SCAPER: variants seen among roughly 807,000 people sequenced by gnomAD.
The protein encoded by SCAPER is S phase cyclin A-associated protein in the endoplasmic reticulum.
A neutral mutation model predicts 182.2 loss-of-function variants in SCAPER; 98 were observed. That is an observed-to-expected ratio of 0.54 (90% CI 0.46 to 0.64). The LOEUF (loss-of-function observed/expected upper bound fraction) is 0.64, where lower values mean the gene tolerates loss of function less well. SCAPER is among the 30% of genes least tolerant of loss of function. The pLI, the probability that SCAPER is intolerant of heterozygous loss-of-function variation, is 0.00. For synonymous variants in SCAPER, 605 were observed against 564.6 expected, an observed-to-expected ratio of 1.07 and a Z score of -1.01; for missense variants, 1,432 against 1,690.0, an observed-to-expected ratio of 0.85 and a Z score of 2.68.
chr15:76,888,624 C>A (rs780907319), intron 1 of SCAPER, among the ~76,000 whole-genome samples: 9 of 151,226 alleles, frequency 6.0e-5, no homozygotes, highest in Admixed American at 2.0e-4. Context: ...CAAGATTAGA[C>A]AAAAAAAAGA....
At chr15:76,564,540 C>CA (rs2046884197) in intron 23 of SCAPER, among the ~76,000 whole-genome samples, 1 of 152,076 alleles carries the variant, frequency 6.6e-6, no homozygotes. Flanking sequence ...AAAAACACTC[C>CA]ATGCTCATGG....
intron 8 of SCAPER, among the ~76,000 whole-genome samples, chr15:76,788,329 T>C (rs772928062): frequency 2.6e-5 from 4 of 152,212 alleles, no homozygotes; most frequent in African/African-American, 4.8e-5. Context: ...TTTAAACAAG[T>C]AAACTACATG....
At chr15:76,577,262 A>G (rs1259743225) in intron 22 of SCAPER, among the ~76,000 whole-genome samples, 1 of 152,116 alleles carries the variant, frequency 6.6e-6, no homozygotes, top group Non-Finnish European at 1.5e-5. Context: ...CCTGGGCAAC[A>G]TGGTGAAAGC....
At chr15:76,639,457 C>G (rs1838049) in intron 21 of SCAPER, among the ~76,000 whole-genome samples, 2 of 152,198 alleles carry the variant, frequency 1.3e-5, no homozygotes, top group Non-Finnish European at 2.9e-5. Flanking sequence ...CACTGAAGAC[C>G]TGAACATTCA....
intron 24 of SCAPER, among the ~76,000 whole-genome samples, chr15:76,492,696 T>C (rs2052439727): frequency 1.3e-5 from 2 of 152,178 alleles, no homozygotes; most frequent in African/African-American, 4.8e-5. Context: ...GAAAATGTCC[T>C]CTCAGCAAGA....
chr15:76,768,944 C>A lies in SCAPER; in HGVS notation c.1249-1856G>T, dbSNP rs184287621. On this transcript the variant is annotated intron_variant, in intron 10 of 31. Coordinates refer to ENST00000563290, the MANE Select transcript of SCAPER (RefSeq NM_020843.4). ...AAATGTCTTTGGGCAAGTGAATGAACAAACATTGTGTTACATGGATAAATC... is the reference window on the plus strand; with the variant it reads ...AAATGTCTTTGGGCAAGTGAATGAAAAAACATTGTGTTACATGGATAAATC... Among the ~76,000 whole-genome samples, 395 of 151,838 alleles carry A rather than the reference C, an allele frequency of 2.6e-3. 2 individuals carry two copies. Among genetic ancestry groups the A allele is most frequent in the African/African-American group, 9.2e-3 (379 of 41,398 alleles).
At chr15:76,713,058 T>C (rs954781870) in intron 17 of SCAPER, among the ~76,000 whole-genome samples, 1 of 152,136 alleles carries the variant, frequency 6.6e-6, no homozygotes, top group East Asian at 1.9e-4. Context: ...CCATTCAGTA[T>C]GATATTGGCT....
At chr15:76,533,110 GAA>G (rs907540912) in intron 23 of SCAPER, among the ~76,000 whole-genome samples, 1 of 152,178 alleles carries the variant, frequency 6.6e-6, no homozygotes, top group Non-Finnish European at 1.5e-5. Context: ...AGTAAACTGG[GAA>G]AAGACTTCCT....
chr15:76,569,453 A>T (rs1239697178), intron 23 of SCAPER, among the ~76,000 whole-genome samples: 2 of 152,100 alleles, frequency 1.3e-5, no homozygotes, highest in East Asian at 3.8e-4. Flanking sequence ...TTTGTTTAGG[A>T]ATTCTGAATC....
chr15:76,567,185 A>T (rs2047097048), intron 23 of SCAPER: 1 of 281,210 alleles, frequency 3.6e-6, no homozygotes, highest in Non-Finnish European at 7.0e-6. Context: ...CACTAAAAAG[A>T]GTTTGTGAGA....
chr15:76,593,265 C>T lies in SCAPER; in HGVS notation c.2712-18981G>A, dbSNP rs578258109. Reference sequence around the variant, plus strand: ...CAAAGCTGCTATAGCCAGACTGCCTCTCTAGACTCCTCCTCTCTGGCCAGG... The same window carrying T: ...CAAAGCTGCTATAGCCAGACTGCCTTTCTAGACTCCTCCTCTCTGGCCAGG... On this transcript the variant is annotated intron_variant, in intron 22 of 31. Coordinates refer to ENST00000563290, the MANE Select transcript of SCAPER (RefSeq NM_020843.4). 7.9e-4 allele frequency among the ~76,000 whole-genome samples: 96 copies of T among 121,346 alleles called. 7 individuals are homozygous for T. Among genetic ancestry groups the T allele is most frequent in the African/African-American group, 2.3e-3 (93 of 39,748 alleles). The allele number at this position is 121,346 out of a possible 152,430, so 79.6% of individuals were successfully genotyped here. A position where few individuals can be genotyped will look rare whatever the true frequency, so the allele number is the denominator to read the frequency against.
At chr15:76,371,319 CTTTT>C (rs558300032) in intron 29 of SCAPER, among the ~76,000 whole-genome samples, 5 of 137,468 alleles carry the variant, frequency 3.6e-5, no homozygotes, top group Non-Finnish European at 3.3e-5. Context: ...CTCTCTCTCT[CTTTT>C]TTTTTTTTTT....
chr15:76,554,092 C>G (rs1214251697), intron 23 of SCAPER, among the ~76,000 whole-genome samples: 1 of 152,068 alleles, frequency 6.6e-6, no homozygotes, highest in East Asian at 1.9e-4. Flanking sequence ...TACAATAAAA[C>G]AATACAGGAG....
intron 8 of SCAPER, among the ~76,000 whole-genome samples, chr15:76,781,347 T>C (rs190148040): frequency 2.6e-5 from 4 of 151,494 alleles, no homozygotes; most frequent in African/African-American, 9.7e-5. Context: ...GAAAAAAGAG[T>C]AAAAAGAAAC....
chr15:76,523,960 A>G (rs903481478), intron 23 of SCAPER, among the ~76,000 whole-genome samples: 1 of 152,146 alleles, frequency 6.6e-6, no homozygotes, highest in Non-Finnish European at 1.5e-5. Context: ...TAAGACTGAA[A>G]TAACTGTCAG....
intron 27 of SCAPER, among the ~76,000 whole-genome samples, chr15:76,393,251 C>T (rs1474766849): frequency 1.3e-5 from 2 of 152,212 alleles, no homozygotes; most frequent in Non-Finnish European, 2.9e-5. Flanking sequence ...TGTTTTAACT[C>T]CTTTGACAGC....
chr15:76,376,407 G>A, intron 28 of SCAPER, 96 bp from the exon 29 acceptor site: 1 of 1,326,464 alleles, frequency 7.5e-7, no homozygotes, highest in Non-Finnish European at 1.0e-6. Context: ...TTTCTGCCAT[G>A]GTGGTGGAAA....
chr15:76,465,475 C>T (rs2142993277), intron 25 of SCAPER, among the ~76,000 whole-genome samples: 1 of 152,222 alleles, frequency 6.6e-6, no homozygotes, highest in South Asian at 2.1e-4. Context: ...CCACAGCACC[C>T]CTTTATCAGA....
intron 10 of SCAPER, among the ~76,000 whole-genome samples, chr15:76,770,321 T>C (rs2063392359): frequency 6.6e-6 from 1 of 151,836 alleles, no homozygotes; most frequent in African/African-American, 2.4e-5. Context: ...ACCTGTACAT[T>C]GTGCACATGT....
Sources: gnomAD v4.1 joint callset for allele counts (sites outside exome capture counted in the v4.1 genomes callset) on GRCh38, gnomAD v4.1.1 for gene constraint, MANE v1.5 for transcripts, NCBI Gene and HGNC (gene_info 2026-07-23, HGNC 2026-07-21) for gene names.